The following MTUS2 variants were observed in gnomAD, a reference collection of about 807,000 sequenced individuals.
MTUS2 encodes the protein microtubule-associated tumor suppressor candidate 2.
In MTUS2, 40 loss-of-function variants were observed where a neutral mutation model predicts 114.1. That is an observed-to-expected ratio of 0.35 (90% CI 0.27 to 0.46). The LOEUF (loss-of-function observed/expected upper bound fraction) is 0.46. Ranked by LOEUF, MTUS2 falls within the 20% of genes least tolerant of loss-of-function variation. MTUS2 has a pLI of 1.00. For missense variants in MTUS2, 1,679 were observed against 1,705.4 expected (o/e 0.98, Z 0.27); for synonymous variants, 688 against 672.0 (o/e 1.02, Z -0.37).
At chr13:29,316,749 C>T (rs1900006982) in intron 6 of MTUS2, among the ~76,000 whole-genome samples, 1 of 152,178 alleles carries the variant, frequency 6.6e-6, no homozygotes, top group Non-Finnish European at 1.5e-5. Context: ...ACCTTCAGTT[C>T]CTTCATTTGC....
At chr13:28,877,469 C>T (rs1280195700) in intron 2 of MTUS2, among the ~76,000 whole-genome samples, 1 of 152,016 alleles carries the variant, frequency 6.6e-6, no homozygotes, top group African/African-American at 2.4e-5. Flanking sequence ...AGGGTTTATC[C>T]TTAGGAAAAC....
chr13:29,031,652 G>T (rs1007473039), intron 3 of MTUS2, among the ~76,000 whole-genome samples: 1 of 151,550 alleles, frequency 6.6e-6, no homozygotes, highest in Non-Finnish European at 1.5e-5. Flanking sequence ...CATGCTGAAG[G>T]GTCTGCTGCT....
chr13:28,865,889 G>A (rs954281107), intron 2 of MTUS2, among the ~76,000 whole-genome samples: 1 of 152,154 alleles, frequency 6.6e-6, no homozygotes. Flanking sequence ...CTTGATGAGT[G>A]AGACAAACTG....
intron 5 of MTUS2, among the ~76,000 whole-genome samples, chr13:29,242,860 T>C (rs1896779536): frequency 6.2e-5 from 1 of 16,072 alleles, no homozygotes; most frequent in South Asian, 0.071. Flanking sequence ...ATGAGGAAGA[T>C]AGTACCATTT....
At chr13:29,333,663 G>A (rs1900908164) in intron 7 of MTUS2, among the ~76,000 whole-genome samples, 1 of 152,196 alleles carries the variant, frequency 6.6e-6, no homozygotes. Flanking sequence ...TGTATATTCT[G>A]TTGATTTGGG....
Position 29,325,478 on chromosome 13 carries a change from A to G in MTUS2, c.2905+767A>G, listed in dbSNP as rs1460920887. ...CTCAAAAAAAAAAAAAAAGAAAAGA[A>G]GAAGAGGAAGAGGGAGGAGGAGGAG... On this transcript the variant is annotated intron_variant, in intron 7 of 15. Coordinates refer to ENST00000612955, the MANE Select transcript of MTUS2 (RefSeq NM_001033602.4). 3.4e-5 allele frequency among the ~76,000 whole-genome samples: 3 copies of G among 89,002 alleles called. No individual in the cohort carries two copies. In the East Asian group the frequency reaches 1.1e-3, roughly 32 times the overall value. 58.4% of individuals were successfully genotyped at this position (89,002 alleles called of 152,430 possible).
intron 5 of MTUS2, among the ~76,000 whole-genome samples, chr13:29,239,162 CTTGA>C (rs1310858461): frequency 2.0e-5 from 3 of 152,106 alleles, no homozygotes; most frequent in African/African-American, 4.8e-5. Context: ...TATTAATTAG[CTTGA>C]TTATTACATT....
intron 9 of MTUS2, among the ~76,000 whole-genome samples, chr13:29,440,711 A>G (rs1412451995): frequency 2.1e-4 from 32 of 151,802 alleles, no homozygotes; most frequent in Admixed American, 2.1e-3. Context: ...TGAAATACAC[A>G]TGGTCTGTTC....
At chr13:29,432,573 AGT>A (rs1877087745) in intron 8 of MTUS2, among the ~76,000 whole-genome samples, 1 of 152,200 alleles carries the variant, frequency 6.6e-6, no homozygotes, top group Non-Finnish European at 1.5e-5. Context: ...TGAGCCAGCG[AGT>A]TGCTCTATAA....
chr13:29,042,918 C>G (rs1887438924), intron 4 of MTUS2, among the ~76,000 whole-genome samples: 1 of 151,954 alleles, frequency 6.6e-6, no homozygotes, highest in African/African-American at 2.4e-5. Flanking sequence ...AAAGACCTAG[C>G]TTTTGTTTCA....
At chr13:28,952,318 G>A (rs1327246556) in intron 2 of MTUS2, among the ~76,000 whole-genome samples, 1 of 152,140 alleles carries the variant, frequency 6.6e-6, no homozygotes, top group Admixed American at 6.5e-5. Context: ...AAATATATGA[G>A]CTCATTTGTA....
chr13:28,863,971 C>T (rs1363545832), intron 2 of MTUS2, among the ~76,000 whole-genome samples: 9 of 152,198 alleles, frequency 5.9e-5, no homozygotes, highest in Admixed American at 5.9e-4. Context: ...ACTGGGATTA[C>T]AGGCACGAGT....
intron 6 of MTUS2, among the ~76,000 whole-genome samples, chr13:29,292,074 T>C (rs1566113248): frequency 1.3e-5 from 2 of 152,358 alleles, no homozygotes; most frequent in East Asian, 3.9e-4. Flanking sequence ...AAGGTAGGCA[T>C]GCAGATTGTA....
At chr13:29,375,756 C>G (rs931684422) in intron 8 of MTUS2, among the ~76,000 whole-genome samples, 12 of 150,012 alleles carry the variant, frequency 8.0e-5, no homozygotes, top group African/African-American at 3.0e-4. Flanking sequence ...AACCAAATAC[C>G]GTATGTTCTC....
At chr13:28,957,640 C>T (rs1415751371) in intron 2 of MTUS2, among the ~76,000 whole-genome samples, 1 of 152,132 alleles carries the variant, frequency 6.6e-6, no homozygotes, top group Non-Finnish European at 1.5e-5. Context: ...AATACTATGG[C>T]ATTTTATGTC....
intron 8 of MTUS2, among the ~76,000 whole-genome samples, chr13:29,386,278 G>A (rs1264460704): frequency 2.0e-5 from 3 of 152,166 alleles, no homozygotes; most frequent in Admixed American, 6.5e-5. Flanking sequence ...GGACTCAACT[G>A]TGAATACTAC....
chr13:29,014,890 A>T (rs1246144795), intron 2 of MTUS2, among the ~76,000 whole-genome samples: 1 of 152,226 alleles, frequency 6.6e-6, no homozygotes, highest in African/African-American at 2.4e-5. Context: ...GTCCGGGAGC[A>T]TGGTAGGAGA....
chr13:29,095,916 A>T (rs1238842512), intron 4 of MTUS2, among the ~76,000 whole-genome samples: 1 of 151,714 alleles, frequency 6.6e-6, no homozygotes, highest in Non-Finnish European at 1.5e-5. Context: ...TAGTTATTTT[A>T]TTATATTTAT....
chr13:29,171,065 A>G (rs905578432), intron 5 of MTUS2, among the ~76,000 whole-genome samples: 1 of 152,154 alleles, frequency 6.6e-6, no homozygotes, highest in African/African-American at 2.4e-5. Context: ...ATCATTGTGC[A>G]TATTCTTACA....
Sources: gnomAD v4.1 joint callset for allele counts (sites outside exome capture counted in the v4.1 genomes callset) on GRCh38, gnomAD v4.1.1 for gene constraint, MANE v1.5 for transcripts, NCBI Gene and HGNC (gene_info 2026-07-23, HGNC 2026-07-21) for gene names.